The following SETX variants were observed in gnomAD, a reference collection of about 807,000 sequenced individuals.
The protein encoded by SETX is helicase senataxin.
SETX carries 90 observed loss-of-function variants against 227.2 expected under a neutral mutation model. That is an observed-to-expected ratio of 0.40 (90% CI 0.33 to 0.47). The LOEUF (loss-of-function observed/expected upper bound fraction) is 0.47. Among genes scored for constraint, SETX ranks in the 20% least tolerant of loss-of-function variants. SETX has a pLI of 0.91. For missense variants in SETX, 3,052 were observed against 3,181.5 expected (o/e 0.96, Z 0.98); for synonymous variants, 1,210 against 1,113.2 (o/e 1.09, Z -1.73).
intron 25 of SETX, chr9:132,269,294 A>AGT: frequency 1.5e-6 from 1 of 688,330 alleles, no homozygotes; most frequent in Non-Finnish European, 2.2e-6. Flanking sequence ...ACATTTACTG[A>AGT]GTGTTTACTA....
At chr9:132,337,483 T>C (rs747805602) in intron 5 of SETX, among the ~76,000 whole-genome samples, 13 of 149,876 alleles carry the variant, frequency 8.7e-5, no homozygotes, top group African/African-American at 2.0e-4. Context: ...GCATCCTTCA[T>C]AGTAAAAGTA....
At chr9:132,270,794 T>C (rs1842867627) in intron 24 of SETX, among the ~76,000 whole-genome samples, 1 of 152,146 alleles carries the variant, frequency 6.6e-6, no homozygotes, top group Non-Finnish European at 1.5e-5. Context: ...CAGATAAATA[T>C]TTCAGTAGAT....
chr9:132,352,572 G>C (rs1228839294), intron 2 of SETX, among the ~76,000 whole-genome samples: 1 of 152,190 alleles, frequency 6.6e-6, no homozygotes, highest in Non-Finnish European at 1.5e-5. Context: ...CCAACATGGT[G>C]AAACCCCGTA....
intron 20 of SETX, among the ~76,000 whole-genome samples, chr9:132,281,063 T>C (rs1843473029): frequency 6.6e-6 from 1 of 152,328 alleles, no homozygotes; most frequent in Middle Eastern, 3.4e-3. Flanking sequence ...TAAACAAAAA[T>C]GAGGAGGGTA....
chr9:132,309,203 T>G (rs1845504225), intron 11 of SETX, among the ~76,000 whole-genome samples: 1 of 152,098 alleles, frequency 6.6e-6, no homozygotes. Context: ...TAAAACTTCT[T>G]ATAAAGCTAG....
rs78827183 is a variant in SETX, at chr9:132,271,650, G to T, written c.7199+60C>A. 17 of 1,375,926 alleles carry T rather than the reference G, an allele frequency of 1.2e-5. No individual in the cohort carries two copies. The South Asian group carries it at 2.0e-4, about 16-fold the overall frequency. The allele number at this position is 1,375,926 out of a possible 1,614,324, so 85.2% of individuals were successfully genotyped here. A position where few individuals can be genotyped will look rare whatever the true frequency, so the allele number is the denominator to read the frequency against. ...TAACAGTGATAATGAACCTAATCCT[G>T]AACTATAAACAAGCAACAATGTATA... On this transcript the variant is annotated intron_variant, in intron 24 of 25. Coordinates refer to ENST00000224140, the MANE Select transcript of SETX (RefSeq NM_015046.7).
chr9:132,339,255 A>G (rs1847824742), intron 5 of SETX, among the ~76,000 whole-genome samples: 1 of 152,056 alleles, frequency 6.6e-6, no homozygotes, highest in South Asian at 2.1e-4. Context: ...AGGCTGAGGT[A>G]TGGGGGCACT....
chr9:132,342,845 T>C (rs748962723), intron 4 of SETX, 46 bp from the exon 5 acceptor site: 3 of 1,380,882 alleles, frequency 2.2e-6, no homozygotes, highest in South Asian at 2.3e-5. Context: ...TATCACCTTA[T>C]CAAGATTCCC....
chr9:132,336,402 A>C lies in SETX; in HGVS notation c.612T>G (p.Leu204=). Residue 204 remains leucine (L), a synonymous_variant, in exon 6 of 26, where the codon CTT becomes CTG. Coordinates refer to ENST00000224140, the MANE Select transcript of SETX (RefSeq NM_015046.7). ...LCLFKVIELG[L]LESPDIYTSS... ...AAGTATAAATGTCTGGACTCTCTAA[A>C]AGCCCCAACTCAATGACTTTAAAAA... 1.9e-6 allele frequency: 3 copies of C among 1,614,044 alleles called. No individual in the cohort carries two copies. Among genetic ancestry groups the C allele is most frequent in the Non-Finnish European group, 2.5e-6 (3 of 1,179,906 alleles).
intron 22 of SETX, among the ~76,000 whole-genome samples, chr9:132,275,984 C>G (rs528499473): frequency 6.6e-6 from 1 of 152,268 alleles, no homozygotes; most frequent in East Asian, 1.9e-4. Context: ...GGAGCAGGTT[C>G]ATGTCCTCTT....
rs1397073722 is a variant in SETX at position 132,263,209 on chromosome 9, C to G, written c.*1030G>C. 1.3e-5 allele frequency: 2 copies of G among 152,196 alleles called. No individual in the cohort carries two copies. The highest frequency in any genetic ancestry group is 4.8e-5 in the African/African-American group (2 of 41,434). 9.4% of individuals were successfully genotyped at this position (152,196 alleles called of 1,614,324 possible). ...TTAAATCGGGTGCTTCTTTCCCGCC[C>G]AAAATATTCTATTTGGCCTGCCCCA... On this transcript the variant is annotated 3_prime_UTR_variant, in exon 26 of 26. Coordinates refer to ENST00000224140, the MANE Select transcript of SETX (RefSeq NM_015046.7).
In SETX at chr9:132,341,178, C is replaced by A. The variant is rs1847934525; in HGVS notation, c.498+1512G>T. ...CCTGGCCAACCTGGTGAAACCCTGT[C>A]TCTACTTCCGGCGTGGGCAACAGAG... On this transcript the variant is annotated intron_variant, in intron 5 of 25. Transcript: ENST00000224140. Among the ~76,000 whole-genome samples, 3 of 152,054 alleles carry A rather than the reference C, an allele frequency of 2.0e-5. No homozygotes were observed. In the South Asian group the frequency reaches 6.2e-4, roughly 32 times the overall value.
At position 132,329,064 on chromosome 9, in the gene SETX, G is replaced by T; in HGVS notation, c.2534C>A (p.Pro845His). Reference protein sequence around the residue: ...DGFIHNLSLDPSGVLDDKNGE... With the variant: ...DGFIHNLSLDHSGVLDDKNGE... ...ATTCTTATCATCCAGAACACCACTA[G>T]GGTCTAAAGAAAGATTGTGTATGAA... Residue 845 changes from proline (P) to histidine (H), a missense_variant, in exon 10 of 26, where the codon CCT (proline) becomes CAT (histidine). By Grantham distance (77) the Pro-to-His change is moderately conservative. Coordinates refer to ENST00000224140, the MANE Select transcript of SETX (RefSeq NM_015046.7). The T allele has an allele frequency of 6.2e-7, 1 of 1,609,608 alleles. No homozygotes were observed. The highest frequency in any genetic ancestry group is 8.5e-7 in the Non-Finnish European group (1 of 1,179,026).
In SETX at chr9:132,264,613, A is replaced by T. The variant is rs368269464; in HGVS notation, c.7660T>A (p.Phe2554Ile). The change falls in exon 26 of 26, where the codon TTC becomes ATC. Residue 2554 changes from phenylalanine (F) to isoleucine (I), a missense_variant. This residue lies in a region of SETX where 294 missense variants were observed against 278.8 expected (regional missense o/e 1.05). Transcript: ENST00000224140. ...CTCGAGGGTTGTGGATCCCAAAGGA[A>T]TATTCCTCCTTTGACCTCAATGCCC... Reference protein sequence around the residue: ...RMGIEVKGGIFLWDPQPSSPQ... With the variant: ...RMGIEVKGGIILWDPQPSSPQ... The T allele has an allele frequency of 4.2e-5, 68 of 1,614,164 alleles. No homozygotes were observed. Among genetic ancestry groups the T allele is most frequent in the Admixed American group, 3.3e-4 (20 of 60,020 alleles).
intron 24 of SETX, among the ~76,000 whole-genome samples, chr9:132,270,432 C>T (rs1199403388): frequency 6.6e-6 from 1 of 152,180 alleles, no homozygotes; most frequent in Non-Finnish European, 1.5e-5. Context: ...TAGAATGACT[C>T]AGCATGCCCA....
intron 15 of SETX, among the ~76,000 whole-genome samples, chr9:132,292,986 A>C (rs1446217297): frequency 6.6e-6 from 1 of 152,212 alleles, no homozygotes; most frequent in African/African-American, 2.4e-5. Flanking sequence ...AACTAGACAA[A>C]TACAGTGTAA....
At chr9:132,342,870 T>C (rs1848065319) in intron 4 of SETX, 71 bp from the exon 5 acceptor site, 2 of 1,098,246 alleles carry the variant, frequency 1.8e-6, no homozygotes, top group South Asian at 1.3e-5. Flanking sequence ...TTAGGCTCCT[T>C]GGGCTATTCT....
intron 25 of SETX, among the ~76,000 whole-genome samples, chr9:132,267,760 G>T (rs1161681209): frequency 6.6e-6 from 1 of 152,204 alleles, no homozygotes; most frequent in Non-Finnish European, 1.5e-5. Context: ...TAAACGGAAT[G>T]TGAAAAAGGG....
intron 2 of SETX, among the ~76,000 whole-genome samples, chr9:132,352,752 A>C (rs1848667449): frequency 6.6e-6 from 1 of 152,218 alleles, no homozygotes; most frequent in Non-Finnish European, 1.5e-5. Context: ...ATCTCTACTC[A>C]CATATCTGAC....
Sources: gnomAD v4.1 joint callset for allele counts (sites outside exome capture counted in the v4.1 genomes callset) on GRCh38, gnomAD v4.1.1 for gene constraint, gnomAD v4.1.1 regional missense constraint, MANE v1.5 for transcripts, NCBI Gene and HGNC (gene_info 2026-07-23, HGNC 2026-07-21) for gene names.